Variants in ADAMTS9 observed in about 807,000 individuals in gnomAD.
ADAMTS9 encodes ADAM metallopeptidase with thrombospondin type 1 motif 9, also known as A disintegrin and metalloproteinase with thrombospondin motifs 9.
ADAMTS9 carries 107 observed loss-of-function variants against 257.1 expected under a neutral mutation model. The observed-to-expected ratio is 0.42, with a 90% CI of 0.36 to 0.49. ADAMTS9 has a LOEUF of 0.49. Ranked by LOEUF, ADAMTS9 falls within the 20% of genes least tolerant of loss-of-function variation. The probability of loss-of-function intolerance (pLI) is 0.03; values close to 1 mark genes in which losing one functional copy is unlikely to be tolerated. For synonymous variants in ADAMTS9, 982 were observed against 880.9 expected, an observed-to-expected ratio of 1.11 and a Z score of -2.03; for missense variants, 2,353 against 2,469.1, an observed-to-expected ratio of 0.95 and a Z score of 1.00.
At chr3:64,667,435 C>G (rs557440644) in intron 3 of ADAMTS9, among the ~76,000 whole-genome samples, 2 of 152,110 alleles carry the variant, frequency 1.3e-5, no homozygotes, top group Non-Finnish European at 2.9e-5. Flanking sequence ...TATAACAAGA[C>G]GCAGGTGGGA....
At chr3:64,570,971 A>G (rs1426818786) in intron 28 of ADAMTS9, among the ~76,000 whole-genome samples, 1 of 152,196 alleles carries the variant, frequency 6.6e-6, no homozygotes, top group African/African-American at 2.4e-5. Flanking sequence ...GAAGAAACAT[A>G]GTTGTGTCAG....
intron 4 of ADAMTS9, among the ~76,000 whole-genome samples, chr3:64,656,862 G>A (rs1033270522): frequency 6.6e-6 from 1 of 152,012 alleles, no homozygotes; most frequent in South Asian, 2.1e-4. Context: ...GGGGGAAGAA[G>A]AAACCCTAAA....
At chr3:64,597,148 C>T (rs2084382455) in intron 26 of ADAMTS9, among the ~76,000 whole-genome samples, 157 bp from the exon 27 acceptor site, 2 of 152,196 alleles carry the variant, frequency 1.3e-5, no homozygotes, top group Admixed American at 6.5e-5. Flanking sequence ...AACTTCCCCA[C>T]TGTGGGGCTG....
chr3:64,641,273 T>G (rs1007607275), intron 12 of ADAMTS9, among the ~76,000 whole-genome samples: 12 of 151,408 alleles, frequency 7.9e-5, no homozygotes, highest in Non-Finnish European at 5.9e-5. Context: ...GCTTTTTTTT[T>G]GTTTTGTTTT....
At chr3:64,677,491 G>A (rs1420984443) in intron 3 of ADAMTS9, among the ~76,000 whole-genome samples, 1 of 152,188 alleles carries the variant, frequency 6.6e-6, no homozygotes, top group Non-Finnish European at 1.5e-5. Context: ...CTACTAGCTG[G>A]CAGGGTGACC....
chr3:64,590,484 CAT>C (rs1029521247), intron 28 of ADAMTS9, among the ~76,000 whole-genome samples: 4 of 152,080 alleles, frequency 2.6e-5, no homozygotes, highest in Admixed American at 2.6e-4. Flanking sequence ...TTATATAACA[CAT>C]AGAAATCTGT....
chr3:64,596,846 T>G lies in ADAMTS9; in HGVS notation c.4163A>C (p.Tyr1388Ser). 3 of 1,613,978 alleles carry G rather than the reference T, an allele frequency of 1.9e-6. No homozygotes were observed. The highest frequency in any genetic ancestry group is 2.2e-5 in the East Asian group (1 of 44,844). ...CACTCTCACCTCTCCCCAGTTGCCA[T>G]AAGCCCACTGAGGACAAGGGCCGGA... Reference protein sequence around the residue: ...CESGPCPQWAYGNWGECTKLC... With the variant: ...CESGPCPQWASGNWGECTKLC... The change falls in exon 27 of 40, where the codon TAT (tyrosine) becomes TCT (serine). Residue 1388 changes from tyrosine to serine, a missense_variant. By Grantham distance (144) the Tyr-to-Ser change is moderately radical (BLOSUM62 -2). Coordinates refer to ENST00000498707, the MANE Select transcript of ADAMTS9 (RefSeq NM_182920.2).
At chr3:64,526,980 C>T (rs993147193) in intron 38 of ADAMTS9, among the ~76,000 whole-genome samples, 4 of 152,148 alleles carry the variant, frequency 2.6e-5, no homozygotes, top group African/African-American at 7.2e-5. Flanking sequence ...AAAGCCAATA[C>T]TGGATTTATA....
At chr3:64,594,196 T>G (rs2084316616) in intron 28 of ADAMTS9, 62 bp downstream of exon 28, 1 of 1,515,848 alleles carries the variant, frequency 6.6e-7, no homozygotes, top group Non-Finnish European at 8.9e-7. Flanking sequence ...CACAGAGGAG[T>G]GCCCCAGAAT....
intron 29 of ADAMTS9, among the ~76,000 whole-genome samples, chr3:64,567,300 A>C (rs1223203171): frequency 6.6e-6 from 1 of 152,222 alleles, no homozygotes; most frequent in African/African-American, 2.4e-5. Flanking sequence ...GAGCCCGCCA[A>C]CCTTGAACCT....
At chr3:64,626,816 G>C (rs1262640872) in intron 16 of ADAMTS9, among the ~76,000 whole-genome samples, 1 of 152,190 alleles carries the variant, frequency 6.6e-6, no homozygotes, top group African/African-American at 2.4e-5. Context: ...AAGGAGGATA[G>C]AGTGCTTCCA....
At chr3:64,679,743 C>T (rs1385234678) in intron 3 of ADAMTS9, among the ~76,000 whole-genome samples, 2 of 152,124 alleles carry the variant, frequency 1.3e-5, no homozygotes, top group Non-Finnish European at 2.9e-5. Flanking sequence ...CATTTATACA[C>T]ATGTCTAAAA....
intron 10 of ADAMTS9, 85 bp from the exon 11 acceptor site, chr3:64,648,129 G>A: frequency 8.2e-7 from 1 of 1,219,022 alleles, no homozygotes; most frequent in East Asian, 2.4e-5. Context: ...TTCAACTAAT[G>A]TTTCACCAAT....
chr3:64,539,055 G>A (rs778628095), intron 37 of ADAMTS9, 148 bp downstream of exon 37: 198 of 713,416 alleles, frequency 2.8e-4, no homozygotes, highest in Non-Finnish European at 2.9e-4. Flanking sequence ...AGACTCCAGA[G>A]CATTTGAGAG....
chr3:64,662,205 CT>C (rs1701240743), intron 3 of ADAMTS9, among the ~76,000 whole-genome samples: 1 of 152,022 alleles, frequency 6.6e-6, no homozygotes, highest in East Asian at 1.9e-4. Context: ...TTTCCACATA[CT>C]TTTGAGCTTC....
At chr3:64,551,096 G>T in intron 30 of ADAMTS9, 34 bp from the exon 31 acceptor site, 2 of 1,606,002 alleles carry the variant, frequency 1.2e-6, no homozygotes, top group African/African-American at 2.7e-5. Context: ...AGAATAAACC[G>T]TAGTTCCTTA....
chr3:64,532,726 A>G (rs2082998689), intron 38 of ADAMTS9, among the ~76,000 whole-genome samples: 1 of 152,158 alleles, frequency 6.6e-6, no homozygotes, highest in Non-Finnish European at 1.5e-5. Flanking sequence ...AATTCTCCAG[A>G]TATATCGCTT....
chr3:64,680,958 C>G (rs1701738718), intron 3 of ADAMTS9, among the ~76,000 whole-genome samples: 1 of 152,234 alleles, frequency 6.6e-6, no homozygotes, highest in South Asian at 2.1e-4. Context: ...CATGGAGTCA[C>G]TGCTTTGAGT....
rs113616625 is a variant in ADAMTS9 at position 64,529,351 on chromosome 3, C to T, written c.5718+3815G>A. On this transcript the variant is annotated intron_variant, in intron 38 of 39. Transcript: ENST00000498707. ...AGATCTAGTTTTACCTGAATCAATA[C>T]AGCTTTCCTTTAGTTTTGCTTGGGG... is the stretch of plus-strand genomic sequence containing the variant. Among the ~76,000 whole-genome samples, 954 of 152,238 alleles carry T rather than the reference C, an allele frequency of 6.3e-3. 5 individuals are homozygous for T. The highest frequency in any genetic ancestry group is 0.022 in the African/African-American group (894 of 41,554).
Sources: allele counts gnomAD v4.1 joint callset (sites outside exome capture counted in the v4.1 genomes callset), GRCh38; gene constraint gnomAD v4.1.1; transcripts MANE v1.5; gene names NCBI Gene and HGNC (gene_info 2026-07-23, HGNC 2026-07-21).